Variants in CYP2C19 observed in about 807,000 individuals in gnomAD.
CYP2C19 encodes the protein cytochrome P450 family 2 subfamily C member 19.
In CYP2C19, 59 loss-of-function variants were observed where a neutral mutation model predicts 40.9. The observed-to-expected ratio is 1.44, with a 90% CI of 1.17 to 1.79. CYP2C19 has a LOEUF of 1.79. CYP2C19 is among the 40% of genes most tolerant of loss of function. The pLI, the probability that CYP2C19 is intolerant of heterozygous loss-of-function variation, is 0.00. For missense variants in CYP2C19, 754 were observed against 596.9 expected (o/e 1.26, Z -2.74); for synonymous variants, 253 against 208.7 (o/e 1.21, Z -1.83).
intron 5 of CYP2C19, among the ~76,000 whole-genome samples, chr10:94,806,534 T>C (rs1311000495): frequency 1.3e-5 from 2 of 151,542 alleles, no homozygotes; most frequent in African/African-American, 2.4e-5. Flanking sequence ...GACATGAGGG[T>C]TCCAATTTCT....
At chr10:94,824,788 C>T (rs967458428) in intron 6 of CYP2C19, among the ~76,000 whole-genome samples, 10 of 146,606 alleles carry the variant, frequency 6.8e-5, no homozygotes, top group South Asian at 4.6e-4. Context: ...GTATATCTCC[C>T]GATGCTATCC....
rs535062096 is a variant in CYP2C19 at position 94,826,570 on chromosome 10, G to A, written c.961+5933G>A. Among the ~76,000 whole-genome samples the A allele has an allele frequency of 2.6e-5, 4 of 152,254 alleles. No homozygotes were observed. In the East Asian group the frequency reaches 7.7e-4, roughly 29 times the overall value. On this transcript the variant is annotated intron_variant, in intron 6 of 8. Coordinates refer to ENST00000371321, the MANE Select transcript of CYP2C19 (RefSeq NM_000769.4). ...AAGGAGATTTTGGGCTGAGATGATG[G>A]GGTTTTCTAGATATACAATCATGTC... is the stretch of plus-strand genomic sequence containing the variant.
intron 5 of CYP2C19, among the ~76,000 whole-genome samples, chr10:94,807,059 C>A (rs1227663584): frequency 6.6e-6 from 1 of 152,090 alleles, no homozygotes; most frequent in Non-Finnish European, 1.5e-5. Context: ...TACTTCTCTA[C>A]CTCTACTAGC....
intron 5 of CYP2C19, among the ~76,000 whole-genome samples, chr10:94,815,460 A>G (rs973191088): frequency 1.3e-5 from 2 of 152,178 alleles, no homozygotes; most frequent in Non-Finnish European, 2.9e-5. Context: ...ATTGTTGTCA[A>G]TTCTGCATCA....
intron 6 of CYP2C19, among the ~76,000 whole-genome samples, chr10:94,827,998 T>A (rs1849258840): frequency 6.6e-6 from 1 of 151,898 alleles, no homozygotes; most frequent in African/African-American, 2.4e-5. Context: ...TAATCCCGAG[T>A]TCTAGTTTGA....
At chr10:94,845,002 T>C (rs1261429928) in intron 7 of CYP2C19, among the ~76,000 whole-genome samples, 1 of 152,214 alleles carries the variant, frequency 6.6e-6, no homozygotes, top group Non-Finnish European at 1.5e-5. Flanking sequence ...TTTTGAGCCC[T>C]GAGAACCCAG....
intron 5 of CYP2C19, among the ~76,000 whole-genome samples, chr10:94,815,868 G>A (rs1261058583): frequency 6.6e-6 from 1 of 152,038 alleles, no homozygotes; most frequent in African/African-American, 2.4e-5. Flanking sequence ...AGGCAATATT[G>A]AGTCCATGTA....
Position 94,817,841 on chromosome 10 carries a change from G to A in CYP2C19, c.820-2655G>A, listed in dbSNP as rs985743027. ...ATCCTGGCTAAAACGGTGAAACCCCGTCTCTACTAAAAATACAAAAAATTA... is the reference window on the plus strand; with the variant it reads ...ATCCTGGCTAAAACGGTGAAACCCCATCTCTACTAAAAATACAAAAAATTA... On this transcript the variant is annotated intron_variant, in intron 5 of 8. Transcript: ENST00000371321. Among the ~76,000 whole-genome samples the A allele has an allele frequency of 2.2e-4, 33 of 151,772 alleles. No individual in the cohort carries two copies. The East Asian group carries it at 2.9e-3, about 13-fold the overall frequency.
chr10:94,846,430 C>A (rs1174654567), intron 7 of CYP2C19, among the ~76,000 whole-genome samples: 1 of 152,142 alleles, frequency 6.6e-6, no homozygotes, highest in East Asian at 1.9e-4. Context: ...AAGATCCTGA[C>A]CTAATAAGTT....
chr10:94,791,773 G>A (rs1848608357), intron 5 of CYP2C19, among the ~76,000 whole-genome samples: 2 of 152,112 alleles, frequency 1.3e-5, no homozygotes, highest in African/African-American at 4.8e-5. Context: ...GCTGAGGAGT[G>A]CTTTACTTCC....
chr10:94,797,168 C>T (rs1848701428), intron 5 of CYP2C19, among the ~76,000 whole-genome samples: 1 of 152,004 alleles, frequency 6.6e-6, no homozygotes, highest in Non-Finnish European at 1.5e-5. Flanking sequence ...TACGTCCCAT[C>T]AATACCTAAT....
intron 8 of CYP2C19, 24 bp from the exon 9 acceptor site, chr10:94,852,709 T>G (rs752837674): frequency 6.2e-7 from 1 of 1,612,074 alleles, no homozygotes; most frequent in Non-Finnish European, 8.5e-7. Flanking sequence ...AGGAGTAACT[T>G]CTCCCTATGT....
intron 5 of CYP2C19, among the ~76,000 whole-genome samples, chr10:94,794,018 C>T (rs1206430735): frequency 6.6e-6 from 1 of 152,116 alleles, no homozygotes; most frequent in Non-Finnish European, 1.5e-5. Context: ...CCAGTTCGAG[C>T]TTCCTGGCTG....
intron 6 of CYP2C19, among the ~76,000 whole-genome samples, chr10:94,822,127 C>CT (rs1193791660): frequency 2.6e-5 from 4 of 152,028 alleles, no homozygotes; most frequent in Middle Eastern, 3.4e-3. Context: ...GATTTTTGTT[C>CT]TTTTTTATGG....
At chr10:94,779,639 C>T (rs889468567) in intron 3 of CYP2C19, among the ~76,000 whole-genome samples, 3 of 149,000 alleles carry the variant, frequency 2.0e-5, no homozygotes, top group Non-Finnish European at 4.4e-5. Flanking sequence ...CAGCTCACTG[C>T]AACCTCTGCC....
At chr10:94,791,731 C>G (rs567730653) in intron 5 of CYP2C19, among the ~76,000 whole-genome samples, 13 of 152,126 alleles carry the variant, frequency 8.5e-5, no homozygotes, top group Admixed American at 5.2e-4. Context: ...GTCTGAGAGA[C>G]AGTTTGTTAT....
In CYP2C19 at chr10:94,762,700, G is replaced by T. The variant is rs555087130; in HGVS notation, c.-6G>T. ...ACGGTTGTCTTAACAAGAGGAGAAG[G>T]CTTCAATGGATCCTTTTGTGGTCCT... On this transcript the variant is annotated 5_prime_UTR_variant, in exon 1 of 9. Coordinates refer to ENST00000371321, the MANE Select transcript of CYP2C19 (RefSeq NM_000769.4). 3 of 1,612,670 alleles carry T rather than the reference G, an allele frequency of 1.9e-6. No homozygotes were observed. The highest frequency in any genetic ancestry group is 1.1e-5 in the South Asian group (1 of 90,996).
chr10:94,767,068 G>A (rs1376751577), intron 1 of CYP2C19, among the ~76,000 whole-genome samples: 2 of 152,154 alleles, frequency 1.3e-5, no homozygotes, highest in African/African-American at 2.4e-5. Flanking sequence ...TCCTGATCAA[G>A]TAGGAGGTCA....
At chr10:94,809,635 G>T (rs1848884732) in intron 5 of CYP2C19, among the ~76,000 whole-genome samples, 1 of 151,796 alleles carries the variant, frequency 6.6e-6, no homozygotes, top group Non-Finnish European at 1.5e-5. Flanking sequence ...GGGCATCCTT[G>T]TCTTGTGCCA....
Sources: gnomAD v4.1 joint callset for allele counts (sites outside exome capture counted in the v4.1 genomes callset) on GRCh38, gnomAD v4.1.1 for gene constraint, MANE v1.5 for transcripts, NCBI Gene and HGNC (gene_info 2026-07-23, HGNC 2026-07-21) for gene names.